PDE10A: variants seen among roughly 807,000 people sequenced by gnomAD.
The protein encoded by PDE10A is phosphodiesterase 10A, also known as cAMP and cAMP-inhibited cGMP 3',5'-cyclic phosphodiesterase 10A.
Under a neutral mutation model 97.7 loss-of-function variants are expected in PDE10A, and 39 were observed. That is an observed-to-expected ratio of 0.40 (90% CI 0.31 to 0.52). The LOEUF is 0.52. Ranked by LOEUF, PDE10A falls within the 20% of genes least tolerant of loss-of-function variation. PDE10A has a pLI of 0.56. For synonymous variants in PDE10A, 371 were observed against 376.8 expected (o/e 0.98, Z 0.18); for missense variants, 731 against 1,047.8 (o/e 0.70, Z 4.17).
intron 2 of PDE10A, among the ~76,000 whole-genome samples, chr6:165,505,773 A>C (rs1384860414): frequency 6.6e-6 from 1 of 152,166 alleles, no homozygotes; most frequent in Non-Finnish European, 1.5e-5. Context: ...TCTTACACAT[A>C]ATCTCAGAAG....
At chr6:165,393,367 A>G (rs1785873481) in intron 15 of PDE10A, among the ~76,000 whole-genome samples, 1 of 151,602 alleles carries the variant, frequency 6.6e-6, no homozygotes, top group South Asian at 2.1e-4. Context: ...AATATGATGT[A>G]TATTTTATTA....
intron 2 of PDE10A, among the ~76,000 whole-genome samples, chr6:165,502,569 A>G (rs756727705): frequency 1.3e-5 from 2 of 152,222 alleles, no homozygotes; most frequent in Non-Finnish European, 2.9e-5. Context: ...CCAAGTACCC[A>G]TTAGAATGGA....
chr6:165,532,271 T>C (rs1782824536), intron 2 of PDE10A, among the ~76,000 whole-genome samples: 2 of 151,582 alleles, frequency 1.3e-5, no homozygotes, highest in South Asian at 4.2e-4. Context: ...TATTCTCCCA[T>C]GTTTATTCTC....
chr6:165,576,439 C>G (rs752231906), intron 1 of PDE10A: 4 of 780,910 alleles, frequency 5.1e-6, no homozygotes, highest in African/African-American at 1.7e-5. Context: ...TTCCTCTCTT[C>G]TATCCTCATT....
At chr6:165,640,727 G>A (rs1372160074) in intron 1 of PDE10A, among the ~76,000 whole-genome samples, 3 of 152,126 alleles carry the variant, frequency 2.0e-5, no homozygotes, top group African/African-American at 4.8e-5. Flanking sequence ...GTTGCTAGAA[G>A]ATACAAATTT....
intron 5 of PDE10A, among the ~76,000 whole-genome samples, chr6:165,436,311 T>C (rs1790012008): frequency 6.6e-6 from 1 of 152,318 alleles, no homozygotes; most frequent in African/African-American, 2.4e-5. Flanking sequence ...ACTAAGGTAG[T>C]TCTAAGGATG....
chr6:165,845,039 T>C (rs995577492), intron 1 of PDE10A, among the ~76,000 whole-genome samples: 5 of 152,248 alleles, frequency 3.3e-5, no homozygotes, highest in Admixed American at 6.5e-5. Flanking sequence ...TTAAGAGCTC[T>C]ATAAAGAAGC....
At chr6:165,453,563 C>T (rs901907786) in intron 3 of PDE10A, among the ~76,000 whole-genome samples, 1 of 152,246 alleles carries the variant, frequency 6.6e-6, no homozygotes. Flanking sequence ...AAGGACTCTA[C>T]TCCCTGCATT....
intron 1 of PDE10A, among the ~76,000 whole-genome samples, chr6:165,762,700 T>C (rs1040006643): frequency 1.3e-5 from 2 of 152,204 alleles, no homozygotes; most frequent in African/African-American, 2.4e-5. Flanking sequence ...CTACTTTTCT[T>C]TTCTTATGTT....
At chr6:165,728,210 A>C (rs1297050729) in intron 1 of PDE10A, among the ~76,000 whole-genome samples, 3 of 152,198 alleles carry the variant, frequency 2.0e-5, no homozygotes, top group Non-Finnish European at 4.4e-5. Context: ...TAGGGCCCCT[A>C]GTCATGCTGC....
intron 1 of PDE10A, among the ~76,000 whole-genome samples, chr6:165,734,243 C>A (rs1369447519): frequency 6.6e-6 from 1 of 152,130 alleles, no homozygotes; most frequent in East Asian, 1.9e-4. Context: ...GTGTGAGAAC[C>A]CACACTGGGT....
At chr6:165,423,168 T>C (rs892647659) in intron 10 of PDE10A, among the ~76,000 whole-genome samples, 2 of 152,100 alleles carry the variant, frequency 1.3e-5, no homozygotes, top group African/African-American at 4.8e-5. Context: ...CATGAAAAGA[T>C]TATTTGAGCC....
intron 5 of PDE10A, among the ~76,000 whole-genome samples, chr6:165,444,871 A>C (rs910262947): frequency 1.3e-5 from 2 of 152,158 alleles, no homozygotes; most frequent in African/African-American, 4.8e-5. Context: ...TTCATACTTT[A>C]ATAAGTATAA....
chr6:165,798,458 C>T (rs1173115233), intron 1 of PDE10A, among the ~76,000 whole-genome samples: 1 of 152,104 alleles, frequency 6.6e-6, no homozygotes, highest in Non-Finnish European at 1.5e-5. Flanking sequence ...TGTGCTCATC[C>T]CAGACCTCAC....
intron 1 of PDE10A, among the ~76,000 whole-genome samples, chr6:165,757,283 G>C (rs1407105426): frequency 6.6e-6 from 1 of 152,018 alleles, no homozygotes; most frequent in Non-Finnish European, 1.5e-5. Flanking sequence ...TCTTTTTCTT[G>C]TTGGTTTCTG....
intron 1 of PDE10A, among the ~76,000 whole-genome samples, chr6:165,787,689 C>T (rs919442247): frequency 6.6e-6 from 1 of 152,188 alleles, no homozygotes; most frequent in African/African-American, 2.4e-5. Context: ...AGTAATTCAT[C>T]CATTCAATAA....
intron 1 of PDE10A, among the ~76,000 whole-genome samples, chr6:165,895,561 C>A (rs1036196543): frequency 1.3e-5 from 2 of 152,168 alleles, no homozygotes; most frequent in African/African-American, 4.8e-5. Context: ...GTCACAGCAG[C>A]CCTGGGAAAT....
At chr6:165,455,899 G>T (rs1424110773) in intron 3 of PDE10A, among the ~76,000 whole-genome samples, 1 of 152,106 alleles carries the variant, frequency 6.6e-6, no homozygotes, top group Non-Finnish European at 1.5e-5. Context: ...TCCAAGTCTT[G>T]TTCTTACCCA....
intron 10 of PDE10A, among the ~76,000 whole-genome samples, chr6:165,426,686 C>T (rs1789189194): frequency 6.6e-6 from 1 of 151,964 alleles, no homozygotes; most frequent in Non-Finnish European, 1.5e-5. Flanking sequence ...AAAAGGCAAC[C>T]TACCAAAAAG....
Sources: gnomAD v4.1 joint callset for allele counts (sites outside exome capture counted in the v4.1 genomes callset) on GRCh38, gnomAD v4.1.1 for gene constraint, MANE v1.5 for transcripts, NCBI Gene and HGNC (gene_info 2026-07-23, HGNC 2026-07-21) for gene names.